The following CTBP2 variants were observed in gnomAD, a reference collection of about 807,000 sequenced individuals.
CTBP2 encodes C-terminal binding protein 2, also known as C-terminal-binding protein 2.
CTBP2 carries 30 observed loss-of-function variants against 80.3 expected under a neutral mutation model. The observed-to-expected ratio is 0.37, with a 90% CI of 0.28 to 0.51. CTBP2 has a LOEUF of 0.51. Among genes scored for constraint, CTBP2 ranks in the 20% least tolerant of loss-of-function variants. The probability of loss-of-function intolerance (pLI) is 0.93; values close to 1 mark genes in which losing one functional copy is unlikely to be tolerated. For missense variants in CTBP2, 1,212 were observed against 1,375.3 expected, an observed-to-expected ratio of 0.88 and a Z score of 1.88; for synonymous variants, 594 against 587.4, an observed-to-expected ratio of 1.01 and a Z score of -0.16.
chr10:125,161,349 CT>C (rs1224927940), upstream of CTBP2, among the ~76,000 whole-genome samples: 1 of 151,994 alleles, frequency 6.6e-6, no homozygotes, highest in Non-Finnish European at 1.5e-5. Context: ...CGCTGCTCCC[CT>C]GGCCCTTCAT....
Position 125,072,050 on chromosome 10 carries a change from C to T in CTBP2, c.-101-32895G>A, listed in dbSNP as rs148682690. 2.9e-3 allele frequency among the ~76,000 whole-genome samples: 438 copies of T among 152,322 alleles called. 2 individuals are homozygous for T. Among genetic ancestry groups the T allele is most frequent in the African/African-American group, 9.3e-3 (385 of 41,572 alleles). ...CCCTGAGACCTGGACATGGGCTTTTCTGGCCAGAACATAATCCACATACAT... is the reference window on the plus strand; with the variant it reads ...CCCTGAGACCTGGACATGGGCTTTTTTGGCCAGAACATAATCCACATACAT... On this transcript the variant is annotated intron_variant, in intron 2 of 10. Transcript: ENST00000337195.
chr10:125,026,698 C>A lies in CTBP2; in HGVS notation c.1062G>T (p.Gln354His). Residue 354 changes from glutamine (Q) to histidine (H), a missense_variant, in exon 1 of 9, where the codon CAG becomes CAT. Coordinates refer to ENST00000309035, the MANE Select transcript of CTBP2 (RefSeq NM_022802.3). ...GGCCCCCCCGGTCCTGCCTCCGCAG[C>A]TGCATTTCGGTCCTGCAGCTATTGG... The A allele has an allele frequency of 6.2e-7, 1 of 1,612,172 alleles. No individual in the cohort carries two copies. The highest frequency in any genetic ancestry group is 1.7e-5 in the Admixed American group (1 of 59,936).
intron 2 of CTBP2, among the ~76,000 whole-genome samples, chr10:125,060,276 T>G (rs896315034): frequency 2.6e-5 from 4 of 152,242 alleles, no homozygotes; most frequent in Non-Finnish European, 5.9e-5. Context: ...CTGAGCGGGT[T>G]ACTCTGACTT....
chr10:125,091,442 A>G (rs1216203435), intron 2 of CTBP2, among the ~76,000 whole-genome samples: 5 of 152,200 alleles, frequency 3.3e-5, no homozygotes, highest in African/African-American at 1.2e-4. Flanking sequence ...ATTCCTTTGG[A>G]AGCATCAGGG....
At chr10:125,081,393 T>C in intron 2 of CTBP2, among the ~76,000 whole-genome samples, 1 of 152,368 alleles carries the variant, frequency 6.6e-6, no homozygotes, top group South Asian at 2.1e-4. Context: ...GTTAATTTCC[T>C]GACCTTGATA....
At chr10:125,044,626 G>A (rs1468210804) in intron 2 of CTBP2, among the ~76,000 whole-genome samples, 1 of 152,152 alleles carries the variant, frequency 6.6e-6, no homozygotes, top group Non-Finnish European at 1.5e-5. Context: ...ATATAAGCAG[G>A]GCACAGTGGC....
chr10:125,055,909 G>A (rs1182998730), intron 2 of CTBP2, among the ~76,000 whole-genome samples: 1 of 152,130 alleles, frequency 6.6e-6, no homozygotes, highest in Non-Finnish European at 1.5e-5. Context: ...GCTCACACCT[G>A]CAATCCCAGC....
chr10:125,015,105 AGCCC>A (rs1177853835), intron 1 of CTBP2, among the ~76,000 whole-genome samples: 13 of 152,328 alleles, frequency 8.5e-5, no homozygotes, highest in African/African-American at 3.1e-4. Context: ...GAGTGACCGG[AGCCC>A]GAGGGAGCTT....
At position 124,998,037 on chromosome 10, in the gene CTBP2, G is replaced by A. The variant is rs372293905; in HGVS notation, c.2112C>T (p.Ser704=). The A allele has an allele frequency of 1.1e-4, 173 of 1,613,330 alleles. No homozygotes were observed. In the Middle Eastern group the frequency reaches 1.2e-3, roughly 11 times the overall value. ...AGGCCACCTCGCGGATCTGCTCCAC[G>A]CTCTGAACCCGCGTGCCTTCCCGCA... The change falls in exon 4 of 9, where the codon AGC becomes AGT. Residue 704 remains serine, a synonymous_variant. Coordinates refer to ENST00000309035, the MANE Select transcript of CTBP2 (RefSeq NM_022802.3).
At chr10:125,073,901 G>C (rs180931887) in intron 2 of CTBP2, among the ~76,000 whole-genome samples, 107 of 152,270 alleles carry the variant, frequency 7.0e-4, no homozygotes, top group African/African-American at 2.4e-3. Context: ...ATCTTTCCCA[G>C]GACGGTCTGT....
At chr10:125,121,234 C>T (rs987065991) in intron 1 of CTBP2, among the ~76,000 whole-genome samples, 3 of 152,236 alleles carry the variant, frequency 2.0e-5, no homozygotes, top group African/African-American at 4.8e-5. Context: ...GGGGCCACAG[C>T]GGGAAGCACA....
intron 2 of CTBP2, among the ~76,000 whole-genome samples, chr10:125,061,458 T>A (rs1033360705): frequency 6.6e-6 from 1 of 151,996 alleles, no homozygotes; most frequent in African/African-American, 2.4e-5. Flanking sequence ...CAGGAAGGGG[T>A]ACAGGCCCTG....
At position 125,039,111 on chromosome 10, in the gene CTBP2, T is replaced by C. The variant is rs947948157; in HGVS notation, c.-57A>G. On this transcript the variant is annotated 5_prime_UTR_variant, in exon 3 of 11. The change abolishes the stop of an existing upstream ORF in the 5' untranslated region. Coordinates refer to the CTBP2 transcript ENST00000337195. The stretch of plus-strand genomic sequence containing the variant: ...AAGGCAAAGCAGTCCTCTAAGAACT[T>C]AGGGGAACTTGCAGGAGTCTGCGTG... 2.1e-5 allele frequency: 32 copies of C among 1,516,676 alleles called. No individual in the cohort carries two copies. Among genetic ancestry groups the C allele is most frequent in the Non-Finnish European group, 2.7e-5 (30 of 1,102,344 alleles). The allele number at this position is 1,516,676 out of a possible 1,614,324, so 94.0% of individuals were successfully genotyped here.
At chr10:125,159,008 C>G (rs950273862) in intron 1 of CTBP2, among the ~76,000 whole-genome samples, 11 of 151,718 alleles carry the variant, frequency 7.3e-5, no homozygotes, top group African/African-American at 2.7e-4. Flanking sequence ...CTGCAGGCGA[C>G]CCGCCACGCC....
chr10:125,053,799 G>T (rs537285825), intron 2 of CTBP2, among the ~76,000 whole-genome samples: 1 of 152,316 alleles, frequency 6.6e-6, no homozygotes, highest in African/African-American at 2.4e-5. Flanking sequence ...CTTGGAAAAG[G>T]AGAGATGCCA....
chr10:125,093,838 C>T (rs1849148622), intron 2 of CTBP2, among the ~76,000 whole-genome samples: 1 of 152,214 alleles, frequency 6.6e-6, no homozygotes, highest in Non-Finnish European at 1.5e-5. Context: ...CGCTGGGAGT[C>T]ACTGCTCTGC....
chr10:125,082,399 T>G (rs1231110250), intron 2 of CTBP2, among the ~76,000 whole-genome samples: 1 of 152,142 alleles, frequency 6.6e-6, no homozygotes, highest in Non-Finnish European at 1.5e-5. Flanking sequence ...ACTCAGTAAC[T>G]TCCCCAAAAA....
At chr10:125,139,549 T>C (rs959697198) in intron 1 of CTBP2, among the ~76,000 whole-genome samples, 58 of 152,108 alleles carry the variant, frequency 3.8e-4, no homozygotes, top group Non-Finnish European at 6.9e-4. Flanking sequence ...TTCTCGACTG[T>C]TCATTAGCCC....
chr10:124,998,347 T>C, intron 3 of CTBP2, 177 bp from the exon 6 acceptor site: 2 of 662,442 alleles, frequency 3.0e-6, no homozygotes, highest in South Asian at 1.9e-5. Flanking sequence ...CTCTGATGCA[T>C]GGGAAGCTCT....
Sources: gnomAD v4.1 joint callset for allele counts (sites outside exome capture counted in the v4.1 genomes callset) on GRCh38, gnomAD v4.1.1 for gene constraint, MANE v1.5 for transcripts, NCBI Gene and HGNC (gene_info 2026-07-23, HGNC 2026-07-21) for gene names.